TOR1AIP1: variants seen among roughly 807,000 people sequenced by gnomAD.
TOR1AIP1 encodes torsin-1A-interacting protein 1.
In TOR1AIP1, 54 loss-of-function variants were observed where a neutral mutation model predicts 63.3. That is an observed-to-expected ratio of 0.85 (90% CI 0.69 to 1.07). The LOEUF (loss-of-function observed/expected upper bound fraction) is 1.07. Among genes scored for constraint, TOR1AIP1 ranks in the 50% least tolerant of loss-of-function variants. TOR1AIP1 has a pLI of 0.00. For synonymous variants in TOR1AIP1, 294 were observed against 273.5 expected (o/e 1.07, Z -0.74); for missense variants, 736 against 715.0 (o/e 1.03, Z -0.33).
In TOR1AIP1 at chr1:179,908,663, C is replaced by T; in HGVS notation, c.897C>T (p.Thr299=). ...EWAPQTARIR[T]RMQNDSILKS... is the part of the protein sequence containing the mutation. Reference sequence around the variant, plus strand: ...CCCCACAAACTGCAAGAATAAGGACCAGGATGCAAAGTAAGTAGATAAATC... The same window carrying T: ...CCCCACAAACTGCAAGAATAAGGACTAGGATGCAAAGTAAGTAGATAAATC... Residue 299 remains threonine (T), a synonymous_variant, in exon 8 of 10, where the codon ACC becomes ACT. Coordinates refer to ENST00000606911, the MANE Select transcript of TOR1AIP1 (RefSeq NM_015602.4). 1 of 1,613,110 alleles carries T rather than the reference C, an allele frequency of 6.2e-7. No homozygotes were observed. Among genetic ancestry groups the T allele is most frequent in the African/African-American group, 1.3e-5 (1 of 74,996 alleles).
At chr1:179,913,716 A>G in intron 8 of TOR1AIP1, 1 of 700,220 alleles carries the variant, frequency 1.4e-6, no homozygotes. Flanking sequence ...TTAGATACTT[A>G]ATGGGTCAAA....
chr1:179,917,981 T>C lies in TOR1AIP1; in HGVS notation c.1494T>C (p.His498=). ...STLIFYKYCD[H]ENAAFKDVAL... The stretch of plus-strand genomic sequence containing the variant: ...TGATCTTCTACAAATATTGTGACCA[T>C]GAAAACGCGGCCTTCAAAGATGTAG... Residue 498 remains histidine (H), a synonymous_variant, in exon 10 of 10, where the codon CAT becomes CAC. Transcript: ENST00000606911. The C allele has an allele frequency of 6.2e-7, 1 of 1,614,246 alleles. No individual in the cohort carries two copies. The highest frequency in any genetic ancestry group is 1.7e-5 in the Admixed American group (1 of 60,032).
chr1:179,906,413 G>A (rs980415741), intron 6 of TOR1AIP1, among the ~76,000 whole-genome samples: 2 of 152,062 alleles, frequency 1.3e-5, no homozygotes, highest in African/African-American at 2.4e-5. Flanking sequence ...ATAAATAAAT[G>A]TAAATCGATA....
intron 6 of TOR1AIP1, among the ~76,000 whole-genome samples, chr1:179,906,874 A>G (rs1648653242): frequency 6.6e-6 from 1 of 150,644 alleles, no homozygotes; most frequent in Admixed American, 6.6e-5. Flanking sequence ...AGTAGCTGGG[A>G]CTACAGGCGC....
At chr1:179,888,650 C>T (rs1281454221) in intron 2 of TOR1AIP1, among the ~76,000 whole-genome samples, 1 of 152,020 alleles carries the variant, frequency 6.6e-6, no homozygotes, top group Non-Finnish European at 1.5e-5. Context: ...TGAAACAAAA[C>T]ATAATAGAAT....
At chr1:179,906,725 T>C (rs1648645247) in intron 6 of TOR1AIP1, among the ~76,000 whole-genome samples, 1 of 130,648 alleles carries the variant, frequency 7.7e-6, no homozygotes, top group African/African-American at 2.8e-5. Context: ...AAATTACCAA[T>C]TTTGGTTCCC....
chr1:179,893,261 CAAACAAAA>C lies in TOR1AIP1; in HGVS notation c.610+3896_610+3903del, dbSNP rs1255789942. ...TGGTCTCCAAAAACAAACAAACAAA[CAAACAAAA>C]AAAAAAAAGTGACATTTTTCAATTC... On this transcript the variant is annotated intron_variant, in intron 3 of 9. Coordinates refer to ENST00000606911, the MANE Select transcript of TOR1AIP1 (RefSeq NM_015602.4). 3.3e-3 allele frequency among the ~76,000 whole-genome samples: 483 copies of C among 147,286 alleles called. 2 individuals are homozygous for C. The highest frequency in any genetic ancestry group is 0.011 in the African/African-American group (448 of 39,136).
At chr1:179,904,487 T>C (rs1263477165) in intron 6 of TOR1AIP1, among the ~76,000 whole-genome samples, 6 of 152,202 alleles carry the variant, frequency 3.9e-5, no homozygotes, top group Non-Finnish European at 5.9e-5. Context: ...TATATAAATA[T>C]TCATTTCAGT....
intron 6 of TOR1AIP1, among the ~76,000 whole-genome samples, chr1:179,907,617 A>ATATATATATATATATG (rs1648687447): frequency 9.1e-5 from 2 of 22,072 alleles, no homozygotes; most frequent in Non-Finnish European, 2.4e-4. Context: ...ATATATATAT[A>ATATATATATATATATG]TGTATATATA....
At chr1:179,910,450 T>G (rs981323761) in intron 8 of TOR1AIP1, among the ~76,000 whole-genome samples, 2 of 152,202 alleles carry the variant, frequency 1.3e-5, no homozygotes, top group African/African-American at 4.8e-5. Context: ...AGCAGTGACG[T>G]TTTTAGCCCA....
At chr1:179,905,857 G>A (rs796260040) in intron 6 of TOR1AIP1, among the ~76,000 whole-genome samples, 6 of 152,236 alleles carry the variant, frequency 3.9e-5, no homozygotes, top group African/African-American at 1.4e-4. Context: ...GGAGGCTGAG[G>A]CAGGAGAATC....
intron 8 of TOR1AIP1, among the ~76,000 whole-genome samples, chr1:179,910,222 T>G (rs181113965): frequency 6.6e-5 from 10 of 152,334 alleles, no homozygotes; most frequent in African/African-American, 2.4e-4. Flanking sequence ...CCATGCATAT[T>G]CTCTGCCTTA....
At chr1:179,908,471 T>C (rs761010866) in intron 7 of TOR1AIP1, 134 bp from the exon 8 acceptor site, 3 of 702,474 alleles carry the variant, frequency 4.3e-6, no homozygotes, top group Non-Finnish European at 4.7e-6. Context: ...CTTTTACTTA[T>C]AAAACTATTG....
At chr1:179,890,773 C>T (rs1462602683) in intron 3 of TOR1AIP1, among the ~76,000 whole-genome samples, 1 of 152,112 alleles carries the variant, frequency 6.6e-6, no homozygotes, top group Non-Finnish European at 1.5e-5. Flanking sequence ...TCATGCATCA[C>T]CATGCCTGGC....
At chr1:179,901,901 C>T (rs1648477780) in intron 5 of TOR1AIP1, among the ~76,000 whole-genome samples, 1 of 151,502 alleles carries the variant, frequency 6.6e-6, no homozygotes, top group Non-Finnish European at 1.5e-5. Context: ...ACAAGACCCT[C>T]CCCCCCAAAA....
At chr1:179,895,574 C>T (rs1648237610) in intron 3 of TOR1AIP1, among the ~76,000 whole-genome samples, 1 of 152,192 alleles carries the variant, frequency 6.6e-6, no homozygotes, top group South Asian at 2.1e-4. Flanking sequence ...TGCCACTGCA[C>T]TCCAGCCTAG....
At chr1:179,890,071 A>C (rs574036643) in intron 3 of TOR1AIP1, among the ~76,000 whole-genome samples, 1 of 152,234 alleles carries the variant, frequency 6.6e-6, no homozygotes, top group East Asian at 1.9e-4. Context: ...GTGATTCTTT[A>C]TGATGATTTT....
At chr1:179,888,309 C>T (rs1317069406) in intron 2 of TOR1AIP1, among the ~76,000 whole-genome samples, 4 of 152,138 alleles carry the variant, frequency 2.6e-5, no homozygotes, top group Admixed American at 1.3e-4. Context: ...GAGACAGGGT[C>T]TCACTGTCAC....
intron 1 of TOR1AIP1, chr1:179,883,200 C>G (rs1014033165): frequency 6.8e-6 from 4 of 584,508 alleles, no homozygotes; most frequent in African/African-American, 1.9e-5. Context: ...TCGTGTGGAG[C>G]GACCCGGGCA....
Sources: allele counts gnomAD v4.1 joint callset (sites outside exome capture counted in the v4.1 genomes callset), GRCh38; gene constraint gnomAD v4.1.1; transcripts MANE v1.5; gene names NCBI Gene and HGNC (gene_info 2026-07-23, HGNC 2026-07-21).